The following BLOC1S5 variants were observed in gnomAD, a reference collection of about 807,000 sequenced individuals.
BLOC1S5 encodes the protein biogenesis of lysosomal organelles complex 1 subunit 5, also known as biogenesis of lysosome-related organelles complex 1 subunit 5.
In BLOC1S5, 27 loss-of-function variants were observed where a neutral mutation model predicts 24.3. The ratio of observed to expected loss-of-function variants is 1.11; its 90% CI spans 0.82 to 1.53. The LOEUF (loss-of-function observed/expected upper bound fraction) is 1.53, where lower values mean the gene tolerates loss of function less well. Ranked by LOEUF, BLOC1S5 falls within the 40% of genes most tolerant of loss-of-function variation. The probability of loss-of-function intolerance (pLI) is 0.00; values close to 1 mark genes in which losing one functional copy is unlikely to be tolerated. For missense variants in BLOC1S5, 239 were observed against 229.4 expected (o/e 1.04, Z -0.27); for synonymous variants, 84 against 74.5 (o/e 1.13, Z -0.66).
intron 3 of BLOC1S5, among the ~76,000 whole-genome samples, chr6:8,031,874 C>T (rs1763311147): frequency 2.0e-5 from 3 of 152,116 alleles, no homozygotes; most frequent in African/African-American, 7.2e-5. Context: ...AGAGAAAGGA[C>T]ACCCTATTCA....
At chr6:8,057,847 C>T (rs922475896) in intron 2 of BLOC1S5, among the ~76,000 whole-genome samples, 4 of 152,158 alleles carry the variant, frequency 2.6e-5, no homozygotes, top group African/African-American at 9.7e-5. Context: ...TTTTTCCTAA[C>T]ACTTATTTTT....
chr6:8,059,003 CTAT>C (rs755867559), intron 2 of BLOC1S5, among the ~76,000 whole-genome samples: 2 of 152,226 alleles, frequency 1.3e-5, no homozygotes, highest in African/African-American at 2.4e-5. Flanking sequence ...ACTATATACT[CTAT>C]AAGCATGTCT....
In BLOC1S5 at chr6:8,015,524, G is replaced by C. The variant is rs1762701008; in HGVS notation, c.*125C>G. The C allele has an allele frequency of 2.1e-6, 2 of 970,044 alleles. No individual in the cohort carries two copies. Among genetic ancestry groups the C allele is most frequent in the Non-Finnish European group, 3.0e-6 (2 of 671,096 alleles). 60.1% of individuals were successfully genotyped at this position (970,044 alleles called of 1,614,324 possible). A position where few individuals can be genotyped will look rare whatever the true frequency, so the allele number is the denominator to read the frequency against. On this transcript the variant is annotated 3_prime_UTR_variant, in exon 5 of 5. Coordinates refer to ENST00000397457, the MANE Select transcript of BLOC1S5 (RefSeq NM_201280.3). Reference sequence around the variant, plus strand: ...ATGCCAGTAGAAACTTCTTTCTTCTGATATAAGAGTGCCACTGAATATATT... The same window carrying C: ...ATGCCAGTAGAAACTTCTTTCTTCTCATATAAGAGTGCCACTGAATATATT...
Position 8,062,600 on chromosome 6 carries a change from A to G in BLOC1S5, c.129T>C (p.His43=). The change falls in exon 2 of 5, where the codon CAT becomes CAC. Residue 43 remains histidine (H), a synonymous_variant. Coordinates refer to ENST00000397457, the MANE Select transcript of BLOC1S5 (RefSeq NM_201280.3). ...CTGGTCTGTGATCCAAAAGCCTTGA[A>G]TGAATTTCTCCAAGATCTATAAAGA... ...HLIIKDLGEI[H]SRLLDHRPVI... The G allele has an allele frequency of 6.2e-7, 1 of 1,600,582 alleles. No individual in the cohort carries two copies. Among genetic ancestry groups the G allele is most frequent in the Non-Finnish European group, 8.5e-7 (1 of 1,171,160 alleles).
intron 3 of BLOC1S5, among the ~76,000 whole-genome samples, chr6:8,026,778 C>A (rs1233230101): frequency 2.0e-5 from 3 of 152,220 alleles, no homozygotes; most frequent in Non-Finnish European, 2.9e-5. Flanking sequence ...GCTCTCTTGA[C>A]TTCTAATTTA....
chr6:8,026,669 C>T (rs1222447286), intron 3 of BLOC1S5, among the ~76,000 whole-genome samples: 2 of 152,152 alleles, frequency 1.3e-5, no homozygotes, highest in Admixed American at 1.3e-4. Context: ...AGCTGAAGGG[C>T]ATTTAAATAC....
chr6:8,046,252 G>A (rs952267077), intron 2 of BLOC1S5, among the ~76,000 whole-genome samples: 1 of 152,124 alleles, frequency 6.6e-6, no homozygotes, highest in Middle Eastern at 3.4e-3. Flanking sequence ...AGTGCCTTTC[G>A]CCAGCCACCA....
At chr6:8,054,906 T>A (rs1764259094) in intron 2 of BLOC1S5, among the ~76,000 whole-genome samples, 1 of 152,258 alleles carries the variant, frequency 6.6e-6, no homozygotes, top group African/African-American at 2.4e-5. Context: ...AATTTTTCAT[T>A]CCAATTTTCA....
chr6:8,046,528 TTATA>T (rs1291596553), intron 2 of BLOC1S5, among the ~76,000 whole-genome samples: 1 of 152,204 alleles, frequency 6.6e-6, no homozygotes, highest in African/African-American at 2.4e-5. Flanking sequence ...TGAGCCATTC[TTATA>T]AGGCCAGTTT....
chr6:8,019,662 C>G (rs1654475683), intron 4 of BLOC1S5, among the ~76,000 whole-genome samples: 1 of 150,946 alleles, frequency 6.6e-6, no homozygotes, highest in Admixed American at 6.6e-5. Context: ...TCTTTACATA[C>G]AAATAAAACC....
At chr6:8,039,797 C>A (rs958585479) in intron 3 of BLOC1S5, among the ~76,000 whole-genome samples, 2 of 152,116 alleles carry the variant, frequency 1.3e-5, no homozygotes, top group Non-Finnish European at 2.9e-5. Context: ...AAGTCCTGAG[C>A]TTACAGGACT....
At chr6:8,031,972 G>A (rs1001387891) in intron 3 of BLOC1S5, among the ~76,000 whole-genome samples, 3 of 152,140 alleles carry the variant, frequency 2.0e-5, no homozygotes, top group African/African-American at 7.2e-5. Context: ...ATCAACTCAA[G>A]ATGGATCAAA....
chr6:8,022,645 C>T lies in BLOC1S5; in HGVS notation c.384+3722G>A, dbSNP rs190489204. Among the ~76,000 whole-genome samples the T allele has an allele frequency of 3.8e-4, 47 of 124,278 alleles. 5 individuals carry two copies. The highest frequency in any genetic ancestry group is 1.5e-3 in the African/African-American group (44 of 28,932). The allele number at this position is 124,278 out of a possible 152,430, so 81.5% of individuals were successfully genotyped here. ...TGTCGCCCAGGCTGGAGTGCAGTGGCGGGATCTCGGCTCACTGCAAGCTCC... is the reference window on the plus strand; with the variant it reads ...TGTCGCCCAGGCTGGAGTGCAGTGGTGGGATCTCGGCTCACTGCAAGCTCC... On this transcript the variant is annotated intron_variant, in intron 4 of 4. Transcript: ENST00000397457.
At chr6:8,036,012 G>T (rs1194843780) in intron 3 of BLOC1S5, among the ~76,000 whole-genome samples, 1 of 152,120 alleles carries the variant, frequency 6.6e-6, no homozygotes, top group Admixed American at 6.6e-5. Context: ...ATTCAGAAAA[G>T]ATAGAGATCA....
intron 4 of BLOC1S5, among the ~76,000 whole-genome samples, chr6:8,022,894 T>C (rs1277746753): frequency 6.6e-6 from 1 of 152,222 alleles, no homozygotes; most frequent in East Asian, 1.9e-4. Context: ...TCAAACTCTA[T>C]TTAAAACAAT....
At chr6:8,053,278 G>T (rs909008232) in intron 2 of BLOC1S5, among the ~76,000 whole-genome samples, 2 of 152,156 alleles carry the variant, frequency 1.3e-5, no homozygotes, top group African/African-American at 4.8e-5. Flanking sequence ...TGGGTAAAAC[G>T]CTACCAAGCA....
At position 8,025,317 on chromosome 6, in the gene BLOC1S5, T is replaced by C. The variant is rs192541071; in HGVS notation, c.384+1050A>G. Among the ~76,000 whole-genome samples, 260 of 151,922 alleles carry C rather than the reference T, an allele frequency of 1.7e-3. 2 individuals carry two copies. The highest frequency in any genetic ancestry group is 2.5e-3 in the Non-Finnish European group (173 of 68,020). ...ATATCTGCTGTCCAGCCTGGCATGG[T>C]CCACTTACGTCCCCAGCCCTGCCTG... On this transcript the variant is annotated intron_variant, in intron 4 of 4. Transcript: ENST00000397457.
At chr6:8,062,987 A>C (rs575980782) in intron 1 of BLOC1S5, among the ~76,000 whole-genome samples, 1 of 152,288 alleles carries the variant, frequency 6.6e-6, no homozygotes, top group South Asian at 2.1e-4. Flanking sequence ...TCTATCAATC[A>C]CCAAGTAAAA....
At chr6:8,054,829 G>T (rs780737184) in intron 2 of BLOC1S5, among the ~76,000 whole-genome samples, 55 of 152,056 alleles carry the variant, frequency 3.6e-4, no homozygotes, top group Non-Finnish European at 5.7e-4. Flanking sequence ...TCTAGTTTTT[G>T]TATTTATATT....
Sources: allele counts gnomAD v4.1 joint callset (sites outside exome capture counted in the v4.1 genomes callset), GRCh38; gene constraint gnomAD v4.1.1; transcripts MANE v1.5; gene names NCBI Gene and HGNC (gene_info 2026-07-23, HGNC 2026-07-21).